Variants in TTC6 observed in about 807,000 individuals in gnomAD.
TTC6 encodes the protein tetratricopeptide repeat domain 6.
Under a neutral mutation model 210.4 loss-of-function variants are expected in TTC6, and 172 were observed. The observed-to-expected ratio is 0.82, with a 90% CI of 0.72 to 0.93. The LOEUF (loss-of-function observed/expected upper bound fraction) is 0.93, where lower values mean the gene tolerates loss of function less well. Ranked by LOEUF, TTC6 falls within the 40% of genes least tolerant of loss-of-function variation. TTC6 has a pLI of 0.00. For missense variants in TTC6, 2,414 were observed against 2,318.1 expected, an observed-to-expected ratio of 1.04 and a Z score of -0.85; for synonymous variants, 804 against 819.6, an observed-to-expected ratio of 0.98 and a Z score of 0.32.
At chr14:37,663,943 A>ATAGCAATAAAATGGATAAATCCAG (rs1555384819) in intron 1 of TTC6, among the ~76,000 whole-genome samples, 6 of 150,146 alleles carry the variant, frequency 4.0e-5, no homozygotes, top group Admixed American at 1.3e-4. Context: ...TATAGCTAAT[A>ATAGCAATAAAATGGATAAATCCAG]AGGGAAGTGA....
At chr14:37,693,230 GTAGCATTTCTA>G in intron 3 of TTC6, among the ~76,000 whole-genome samples, 2 of 152,232 alleles carry the variant, frequency 1.3e-5, no homozygotes, top group South Asian at 4.1e-4. Context: ...GCAAAAATCA[GTAGCATTTCTA>G]TGCCAACAGT....
chr14:37,651,425 ATTTTTTTTTTTTTT>A (rs55775703), intron 1 of TTC6, among the ~76,000 whole-genome samples: 102 of 23,872 alleles, frequency 4.3e-3, no homozygotes, highest in South Asian at 0.012. Context: ...ATATATATAT[ATTTTTTTTTTTTTT>A]TTTTTTTTTT....
upstream of TTC6, among the ~76,000 whole-genome samples, chr14:37,619,482 T>C (rs1171241693): frequency 6.6e-6 from 1 of 152,168 alleles, no homozygotes; most frequent in African/African-American, 2.4e-5. Flanking sequence ...AATAAAAATA[T>C]ATTTTCCACA....
exon 11 of TTC6, chr14:37,749,203 A>G (rs1158344244): frequency 1.3e-6 from 2 of 1,531,162 alleles, no homozygotes; most frequent in East Asian, 2.4e-5. Flanking sequence ...GAGTGAAAGA[A>G]CCACCAAAAC....
intron 1 of TTC6, among the ~76,000 whole-genome samples, chr14:37,659,744 C>T (rs1319557689): frequency 6.6e-6 from 1 of 152,174 alleles, no homozygotes; most frequent in African/African-American, 2.4e-5. Flanking sequence ...TGGTCTCGAA[C>T]TCCTGACCTC....
intron 1 of TTC6, among the ~76,000 whole-genome samples, chr14:37,648,381 A>G (rs2139410129): frequency 6.6e-6 from 1 of 152,254 alleles, no homozygotes; most frequent in African/African-American, 2.4e-5. Flanking sequence ...TGTTACTGTG[A>G]TCTACTAGTT....
In TTC6 at chr14:37,725,332, AT is replaced by A; in HGVS notation, c.1818+331del. Among the ~76,000 whole-genome samples, 2 of 91,446 alleles carry A rather than the reference AT, an allele frequency of 2.2e-5. 1 individual carries two copies. The highest frequency in any genetic ancestry group is 7.5e-5 in the African/African-American group (2 of 26,608). The allele number at this position is 91,446 out of a possible 152,430, so 60.0% of individuals were successfully genotyped here. A position where few individuals can be genotyped will look rare whatever the true frequency, so the allele number is the denominator to read the frequency against. On this transcript the variant is annotated intron_variant, in intron 7 of 30. Coordinates refer to ENST00000553443, the Ensembl canonical transcript of TTC6. ...TGTGTGTATATATATATATATATAT[AT>A]ATATATATATATATATATATATATA...
intron 1 of TTC6, among the ~76,000 whole-genome samples, chr14:37,673,127 A>G (rs1007538075): frequency 1.3e-5 from 2 of 152,072 alleles, no homozygotes; most frequent in African/African-American, 4.8e-5. Flanking sequence ...CAACAGGTCT[A>G]TGGAATACAG....
At chr14:37,600,363 C>T (rs2095613277) in intron 1 of TTC6, among the ~76,000 whole-genome samples, 1 of 152,150 alleles carries the variant, frequency 6.6e-6, no homozygotes, top group African/African-American at 2.4e-5. Context: ...AGCCGAGGGG[C>T]TTGGAAAAGT....
Position 37,644,655 on chromosome 14 carries a change from G to A in TTC6, c.939+21652G>A, listed in dbSNP as rs577710674. Among the ~76,000 whole-genome samples, 26 of 152,256 alleles carry A rather than the reference G, an allele frequency of 1.7e-4. No homozygotes were observed. In the South Asian group the frequency reaches 5.0e-3, roughly 29 times the overall value. On this transcript the variant is annotated intron_variant, in intron 1 of 30. Transcript: ENST00000553443. The stretch of plus-strand genomic sequence containing the variant: ...TCTATGGCGATACACCTTGTGTAGA[G>A]ACTCTTATGGCTCAAAGTGTTATTC...
chr14:37,766,774 G>A (rs1038921033), intron 14 of TTC6, among the ~76,000 whole-genome samples: 1 of 152,008 alleles, frequency 6.6e-6, no homozygotes, highest in African/African-American at 2.4e-5. Flanking sequence ...TGAGTTCTTT[G>A]AGAAATCATC....
At chr14:37,656,449 T>G (rs1357527638) in intron 1 of TTC6, among the ~76,000 whole-genome samples, 1 of 152,054 alleles carries the variant, frequency 6.6e-6, no homozygotes, top group Non-Finnish European at 1.5e-5. Context: ...CTCTAAACAA[T>G]TTTGTAAGCT....
chr14:37,622,361 T>A, exon 1 of TTC6: 1 of 1,530,792 alleles, frequency 6.5e-7, no homozygotes, highest in Non-Finnish European at 8.7e-7. Context: ...GCGCGCCGCG[T>A]CCCTCGGGCC....
At chr14:37,736,053 C>T (rs1282278438) in intron 8 of TTC6, 43 bp downstream of exon 10, 1 of 1,003,588 alleles carries the variant, frequency 1.0e-6, no homozygotes, top group Non-Finnish European at 1.5e-6. Context: ...TTTACTCTAT[C>T]TGCCTACAGT....
At chr14:37,699,908 C>T (rs1427605359) in intron 4 of TTC6, among the ~76,000 whole-genome samples, 1 of 152,066 alleles carries the variant, frequency 6.6e-6, no homozygotes, top group Non-Finnish European at 1.5e-5. Flanking sequence ...GAAGTTCAAA[C>T]CTCAGAAGCC....
intron 14 of TTC6, among the ~76,000 whole-genome samples, chr14:37,754,125 G>T (rs911469610): frequency 1.3e-5 from 2 of 152,032 alleles, no homozygotes; most frequent in African/African-American, 4.8e-5. Flanking sequence ...TGCAGAACGT[G>T]CAGGTTTGTT....
chr14:37,739,117 G>T, exon 10 of TTC6: 1 of 1,522,974 alleles, frequency 6.6e-7, no homozygotes, highest in Non-Finnish European at 8.7e-7. Context: ...TTATATTCGT[G>T]CATGAAGAGT....
At chr14:37,815,897 TAG>T (rs1329012795) in intron 25 of TTC6, among the ~76,000 whole-genome samples, 3 of 152,072 alleles carry the variant, frequency 2.0e-5, no homozygotes, top group Admixed American at 1.3e-4. Flanking sequence ...TGATTATATA[TAG>T]AGAGTCAAGT....
chr14:37,708,615 C>T (rs1218304958), intron 5 of TTC6, among the ~76,000 whole-genome samples: 1 of 152,044 alleles, frequency 6.6e-6, no homozygotes, highest in Non-Finnish European at 1.5e-5. Flanking sequence ...TACTCGCTCT[C>T]ATTCTGTTTT....
Sources: allele counts gnomAD v4.1 joint callset (sites outside exome capture counted in the v4.1 genomes callset), GRCh38; gene constraint gnomAD v4.1.1; transcripts MANE v1.5; gene names NCBI Gene and HGNC (gene_info 2026-07-23, HGNC 2026-07-21).